Variants in SCLT1 observed in about 807,000 individuals in gnomAD.
SCLT1 encodes sodium channel and clathrin linker 1.
A neutral mutation model predicts 112.8 loss-of-function variants in SCLT1; 78 were observed. That is an observed-to-expected ratio of 0.69 (90% CI 0.58 to 0.83). The LOEUF is 0.83. Among genes scored for constraint, SCLT1 ranks in the 40% least tolerant of loss-of-function variants. The pLI is 0.00. For missense variants in SCLT1, 747 were observed against 770.4 expected (o/e 0.97, Z 0.36); for synonymous variants, 257 against 254.7 (o/e 1.01, Z -0.09).
At chr4:129,054,314 A>G (rs1368241841) in intron 2 of SCLT1, among the ~76,000 whole-genome samples, 2 of 152,148 alleles carry the variant, frequency 1.3e-5, no homozygotes, top group African/African-American at 4.8e-5. Context: ...AGGTTGGAGA[A>G]GTTCTCCTGG....
intron 2 of SCLT1, among the ~76,000 whole-genome samples, chr4:129,050,643 T>C (rs868444483): frequency 6.6e-6 from 1 of 152,250 alleles, no homozygotes; most frequent in South Asian, 2.1e-4. Context: ...CTCTGTCAGA[T>C]GGGTAGCTTG....
At chr4:128,922,565 C>T (rs1003471962) in intron 18 of SCLT1, among the ~76,000 whole-genome samples, 1 of 152,206 alleles carries the variant, frequency 6.6e-6, no homozygotes, top group Non-Finnish European at 1.5e-5. Flanking sequence ...AAAACAAATA[C>T]TGCATGTTCT....
In SCLT1 at chr4:129,074,117, C is replaced by G. The variant is rs188743579; in HGVS notation, c.102+8189G>C. On this transcript the variant is annotated intron_variant, in intron 2 of 20. Coordinates refer to ENST00000281142, the MANE Select transcript of SCLT1 (RefSeq NM_144643.4). ...ATTTGTTTTTAATGTTCTTAAGATA[C>G]AAATAATATGCTGTTTATCTTGTTA... 5.6e-4 allele frequency among the ~76,000 whole-genome samples: 85 copies of G among 152,244 alleles called. 2 individuals are homozygous for G. In the South Asian group the frequency reaches 8.1e-3, roughly 14 times the overall value.
intron 2 of SCLT1, among the ~76,000 whole-genome samples, chr4:129,076,894 A>T (rs963240536): frequency 1.3e-5 from 2 of 152,164 alleles, no homozygotes; most frequent in Non-Finnish European, 2.9e-5. Context: ...AAAATCAAGA[A>T]ACCAGCTATT....
At chr4:128,982,858 A>G (rs1178161421) in intron 9 of SCLT1, among the ~76,000 whole-genome samples, 3 of 151,964 alleles carry the variant, frequency 2.0e-5, no homozygotes, top group African/African-American at 4.8e-5. Flanking sequence ...AGAAGTTAAT[A>G]AGGACCCCAT....
rs574252472 is a variant in SCLT1 at position 128,971,359 on chromosome 4, C to T, written c.687-891G>A. The T allele has an allele frequency of 5.9e-5, 9 of 152,188 alleles. 1 individual carries two copies. The South Asian group carries it at 1.9e-3, about 32-fold the overall frequency. 9.4% of individuals were successfully genotyped at this position (152,188 alleles called of 1,614,324 possible). On this transcript the variant is annotated intron_variant, in intron 9 of 20. Transcript: ENST00000281142. ...TAAATGTTAGTTCATTTCCTTTTGA[C>T]TCTTTGTCTTTAAAACTGCATTACT... is the stretch of plus-strand genomic sequence containing the variant.
At chr4:128,888,554 A>G in intron 20 of SCLT1, 125 bp downstream of exon 20, 1 of 545,368 alleles carries the variant, frequency 1.8e-6, no homozygotes. Flanking sequence ...TCAACCTCAC[A>G]TATTAAAGGG....
At chr4:129,044,161 T>C in intron 2 of SCLT1, 110 bp from the exon 3 acceptor site, 1 of 561,980 alleles carries the variant, frequency 1.8e-6, no homozygotes, top group Non-Finnish European at 3.2e-6. Context: ...AAACTCTATT[T>C]ATGTAATTCA....
At chr4:128,941,766 T>C (rs1737712038) in intron 17 of SCLT1, among the ~76,000 whole-genome samples, 1 of 152,138 alleles carries the variant, frequency 6.6e-6, no homozygotes, top group South Asian at 2.1e-4. Flanking sequence ...GATTTTCTCC[T>C]AGAAACTATC....
chr4:128,882,574 T>C (rs1025088555), downstream of SCLT1, among the ~76,000 whole-genome samples: 1 of 152,170 alleles, frequency 6.6e-6, no homozygotes, highest in Non-Finnish European at 1.5e-5. Flanking sequence ...AAAGGAGTTA[T>C]TGAATACCCT....
intron 5 of SCLT1, among the ~76,000 whole-genome samples, chr4:129,013,345 C>T (rs1406033098): frequency 1.3e-5 from 2 of 152,138 alleles, no homozygotes; most frequent in Non-Finnish European, 2.9e-5. Flanking sequence ...TGGATTTGAT[C>T]CTGTCATCGT....
At chr4:128,942,970 A>C in intron 17 of SCLT1, 26 bp downstream of exon 17, 3 of 1,519,494 alleles carry the variant, frequency 2.0e-6, no homozygotes, top group Non-Finnish European at 2.7e-6. Flanking sequence ...TCATAAGTAC[A>C]CATTTAACTC....
At chr4:128,877,045 T>A (rs1232769667) in intron 3 of SCLT1, among the ~76,000 whole-genome samples, 1 of 152,196 alleles carries the variant, frequency 6.6e-6, no homozygotes, top group South Asian at 2.1e-4. Context: ...GAAATTAATC[T>A]CTCCAGCATT....
chr4:128,971,432 G>A (rs1172541187), intron 9 of SCLT1: 1 of 152,070 alleles, frequency 6.6e-6, no homozygotes, highest in African/African-American at 2.4e-5. Context: ...TCTAATAATA[G>A]CTGATAATAT....
At chr4:128,927,339 G>T (rs1736376519) in intron 18 of SCLT1, among the ~76,000 whole-genome samples, 1 of 152,084 alleles carries the variant, frequency 6.6e-6, no homozygotes, top group Admixed American at 6.6e-5. Flanking sequence ...GGGAGGCCAA[G>T]GCAGGAGGAT....
In SCLT1 at chr4:129,069,848, T is replaced by G. The variant is rs138124986; in HGVS notation, c.102+12458A>C. Among the ~76,000 whole-genome samples, 512 of 152,294 alleles carry G rather than the reference T, an allele frequency of 3.4e-3. 3 individuals are homozygous for G. Among genetic ancestry groups the G allele is most frequent in the African/African-American group, 0.011 (477 of 41,566 alleles). ...GTCTTGTTCCAGTTCTCAGAGAGAA[T>G]GCTTTCCACTTTTCCCCATTCAGTA... is the stretch of plus-strand genomic sequence containing the variant. On this transcript the variant is annotated intron_variant, in intron 2 of 20. Coordinates refer to ENST00000281142, the MANE Select transcript of SCLT1 (RefSeq NM_144643.4).
chr4:129,058,936 A>G (rs1424135889), intron 2 of SCLT1, among the ~76,000 whole-genome samples: 2 of 152,068 alleles, frequency 1.3e-5, no homozygotes. Flanking sequence ...TGTTGGGTGT[A>G]TATATATTTA....
At chr4:128,908,177 G>T (rs766363458) in intron 18 of SCLT1, among the ~76,000 whole-genome samples, 1 of 152,032 alleles carries the variant, frequency 6.6e-6, no homozygotes. Context: ...CAAAAGGTGC[G>T]CTATTCATTT....
chr4:129,047,883 C>T lies in SCLT1; in HGVS notation c.103-3832G>A, dbSNP rs527645322. 1.4e-4 allele frequency among the ~76,000 whole-genome samples: 22 copies of T among 152,176 alleles called. No homozygotes were observed. The South Asian group carries it at 2.3e-3, about 16-fold the overall frequency. On this transcript the variant is annotated intron_variant, in intron 2 of 20. Transcript: ENST00000281142. ...GAGTTCCTTATATATTCTGGACATTCATCTCTTGTCAGATAAATAGTTTTC... is the reference window on the plus strand; with the variant it reads ...GAGTTCCTTATATATTCTGGACATTTATCTCTTGTCAGATAAATAGTTTTC...
Sources: allele counts gnomAD v4.1 joint callset (sites outside exome capture counted in the v4.1 genomes callset), GRCh38; gene constraint gnomAD v4.1.1; transcripts MANE v1.5; gene names NCBI Gene and HGNC (gene_info 2026-07-23, HGNC 2026-07-21).